GCSAML: variants seen among roughly 807,000 people sequenced by gnomAD.
GCSAML encodes germinal center associated signaling and motility like.
GCSAML carries 9 observed loss-of-function variants against 13.0 expected under a neutral mutation model. That is an observed-to-expected ratio of 0.69 (90% CI 0.42 to 1.21). The LOEUF (loss-of-function observed/expected upper bound fraction) is 1.21, where lower values mean the gene tolerates loss of function less well. Among genes scored for constraint, GCSAML ranks in the 50% most tolerant of loss-of-function variants. The pLI is 0.00. For missense variants in GCSAML, 143 were observed against 153.4 expected, an observed-to-expected ratio of 0.93 and a Z score of 0.36; for synonymous variants, 37 against 52.9, an observed-to-expected ratio of 0.70 and a Z score of 1.31.
At chr1:247,511,433 G>A (rs774745948) in intron 1 of GCSAML, among the ~76,000 whole-genome samples, 6 of 152,028 alleles carry the variant, frequency 3.9e-5, no homozygotes, top group Non-Finnish European at 7.3e-5. Flanking sequence ...TGGGTCTCCT[G>A]AATATAGCAC....
chr1:247,533,316 C>G (rs547405065), intron 2 of GCSAML, among the ~76,000 whole-genome samples: 2 of 152,284 alleles, frequency 1.3e-5, no homozygotes, highest in South Asian at 4.1e-4. Context: ...CTTTCTCCTG[C>G]CTTCTTGTCC....
At position 247,549,249 on chromosome 1, in the gene GCSAML, C is replaced by A. The variant is rs760487441; in HGVS notation, c.29+29C>A. On this transcript the variant is annotated intron_variant, in intron 1 of 4. Coordinates refer to ENST00000366488, the MANE Select transcript of GCSAML (RefSeq NM_145278.5). ...AGTCTTGACTCTTGGTGCCGCCTTT[C>A]TTGGGAGAAAGAGAACAGAGATAAG... The A allele has an allele frequency of 2.4e-5, 38 of 1,595,738 alleles. No homozygotes were observed. In the South Asian group the frequency reaches 3.4e-4, roughly 14 times the overall value.
At chr1:247,516,648 A>G (rs868540833) in intron 1 of GCSAML, among the ~76,000 whole-genome samples, 1 of 151,126 alleles carries the variant, frequency 6.6e-6, no homozygotes, top group Admixed American at 6.6e-5. Flanking sequence ...AGGGTCTACA[A>G]TCCTTTCAGA....
intron 2 of GCSAML, among the ~76,000 whole-genome samples, chr1:247,535,594 G>C (rs142797937): frequency 7.3e-4 from 111 of 152,314 alleles, no homozygotes; most frequent in African/African-American, 2.6e-3. Context: ...TTGATAACAT[G>C]CAGAAAATGT....
In GCSAML at chr1:247,556,414, G is replaced by C. The variant is rs371766766; in HGVS notation, c.37G>C (p.Gly13Arg). The C allele has an allele frequency of 1.7e-5, 28 of 1,609,806 alleles. No homozygotes were observed. In the African/African-American group the frequency reaches 2.3e-4, roughly 13 times the overall value. The change falls in exon 2 of 5, where the codon GGA becomes CGA. Residue 13 changes from glycine (G) to arginine (R), a missense_variant. Coordinates refer to ENST00000366488, the MANE Select transcript of GCSAML (RefSeq NM_145278.5). ...TTATGTGTTTCCATATAGTTGCCTG[G>C]GAGAGAATCAAAAGAAGCCCAAGAA... ...NYLLRKLSCL[G>R]ENQKKPKKGN...
intron 1 of GCSAML, among the ~76,000 whole-genome samples, chr1:247,516,994 ACTCT>A (rs1394991169): frequency 6.6e-6 from 1 of 152,062 alleles, no homozygotes; most frequent in African/African-American, 2.4e-5. Flanking sequence ...TACCAAAATA[ACTCT>A]CTACAATGAT....
At chr1:247,514,549 C>T (rs2103300874) in intron 1 of GCSAML, among the ~76,000 whole-genome samples, 1 of 152,304 alleles carries the variant, frequency 6.6e-6, no homozygotes, top group East Asian at 1.9e-4. Context: ...TTGCCTAAGC[C>T]AGTATCTAGA....
chr1:247,532,333 A>G, intron 2 of GCSAML: 1 of 1,614,086 alleles, frequency 6.2e-7, no homozygotes, highest in Non-Finnish European at 8.5e-7. Flanking sequence ...AAAGAAGTAC[A>G]TAGGTGTGTG....
chr1:247,539,035 G>A (rs758725050), intron 2 of GCSAML, among the ~76,000 whole-genome samples: 2 of 152,124 alleles, frequency 1.3e-5, no homozygotes, highest in Non-Finnish European at 2.9e-5. Flanking sequence ...CCAAACCCAT[G>A]GCACCGTATG....
In GCSAML at chr1:247,516,216, C is replaced by T. The variant is rs75842782; in HGVS notation, c.-263+8983C>T. ...GTGTTTCTGAAAACACATATGGGAA[C>T]TCCTAATCTCTCATTCCCTCTTTTC... On this transcript the variant is annotated intron_variant, in intron 1 of 5. Transcript: ENST00000366489. Among the ~76,000 whole-genome samples the T allele has an allele frequency of 5.3e-4, 81 of 152,336 alleles. No individual in the cohort carries two copies. The East Asian group carries it at 8.5e-3, about 16-fold the overall frequency.
chr1:247,563,971 C>T (rs1668239234), intron 3 of GCSAML, among the ~76,000 whole-genome samples: 1 of 151,686 alleles, frequency 6.6e-6, no homozygotes, highest in Non-Finnish European at 1.5e-5. Flanking sequence ...CCCACCCTAT[C>T]GCCCAGGCTG....
intron 1 of GCSAML, among the ~76,000 whole-genome samples, chr1:247,507,549 T>C (rs1043591327): frequency 6.6e-6 from 1 of 152,164 alleles, no homozygotes; most frequent in Non-Finnish European, 1.5e-5. Flanking sequence ...ATACTGTAAG[T>C]TCTGGGATAC....
chr1:247,574,095 T>A, intron 4 of GCSAML, 48 bp from the exon 5 acceptor site: 2 of 1,604,462 alleles, frequency 1.2e-6, no homozygotes, highest in Non-Finnish European at 1.7e-6. Flanking sequence ...GAGTTCAATT[T>A]ATGAATGACC....
intron 2 of GCSAML, among the ~76,000 whole-genome samples, chr1:247,536,862 C>CAATGG (rs1667236774): frequency 6.6e-6 from 1 of 151,870 alleles, no homozygotes; most frequent in African/African-American, 2.4e-5. Context: ...GCTATAGACT[C>CAATGG]TTTTTTTAAA....
intron 1 of GCSAML, among the ~76,000 whole-genome samples, chr1:247,514,387 G>A (rs183575806): frequency 7.9e-5 from 12 of 152,204 alleles, no homozygotes; most frequent in Admixed American, 6.5e-4. Context: ...TTTTTTGGAT[G>A]TATAGATTGT....
At chr1:247,572,773 G>A (rs1668668941) in intron 4 of GCSAML, among the ~76,000 whole-genome samples, 1 of 152,234 alleles carries the variant, frequency 6.6e-6, no homozygotes, top group Non-Finnish European at 1.5e-5. Context: ...CAACAGGTAG[G>A]CAGGAATGTT....
chr1:247,562,835 T>TA (rs1572364395), intron 2 of GCSAML, among the ~76,000 whole-genome samples: 1 of 150,578 alleles, frequency 6.6e-6, no homozygotes, highest in Non-Finnish European at 1.5e-5. Context: ...ATTTTTTTTT[T>TA]AATTTATTTT....
chr1:247,574,314 A>C lies in GCSAML; in HGVS notation c.340A>C (p.Arg114=). Residue 114 remains arginine (R), a synonymous_variant, in exon 5 of 5, where the codon AGG becomes CGG. Transcript: ENST00000366488. ...GTCAGAGACAGAATATGCCCTTCTT[A>C]GGACTTCTGTTAGTAGGCCTTGTTC... is the stretch of plus-strand genomic sequence containing the variant. The part of the protein sequence containing the change: ...ERSETEYALL[R]TSVSRPCSCT... 6.2e-7 allele frequency: 1 copy of C among 1,614,010 alleles called. No individual in the cohort carries two copies. Among genetic ancestry groups the C allele is most frequent in the Non-Finnish European group, 8.5e-7 (1 of 1,179,904 alleles).
intron 4 of GCSAML, among the ~76,000 whole-genome samples, chr1:247,568,464 T>G (rs1312060638): frequency 6.6e-6 from 1 of 152,224 alleles, no homozygotes; most frequent in Non-Finnish European, 1.5e-5. Flanking sequence ...TTCTCAGGTT[T>G]GTCAAAGATC....
Sources: allele counts gnomAD v4.1 joint callset (sites outside exome capture counted in the v4.1 genomes callset), GRCh38; gene constraint gnomAD v4.1.1; transcripts MANE v1.5; gene names NCBI Gene and HGNC (gene_info 2026-07-23, HGNC 2026-07-21).